Variants in NLGN1 observed in about 807,000 individuals in gnomAD.
The protein encoded by NLGN1 is neuroligin 1.
In NLGN1, 12 loss-of-function variants were observed where a neutral mutation model predicts 65.5. That is an observed-to-expected ratio of 0.18 (90% CI 0.12 to 0.30). The LOEUF (loss-of-function observed/expected upper bound fraction) is 0.30. Among genes scored for constraint, NLGN1 ranks in the 10% least tolerant of loss-of-function variants. The pLI, the probability that NLGN1 is intolerant of heterozygous loss-of-function variation, is 1.00. For missense variants in NLGN1, 750 were observed against 1,007.1 expected (o/e 0.74, Z 3.46); for synonymous variants, 350 against 359.5 (o/e 0.97, Z 0.30).
intron 2 of NLGN1, among the ~76,000 whole-genome samples, chr3:173,530,258 T>C (rs1243820060): frequency 6.6e-6 from 1 of 152,190 alleles, no homozygotes; most frequent in Non-Finnish European, 1.5e-5. Flanking sequence ...CCCGACCTTA[T>C]GGGGCACTTT....
At chr3:173,740,619 T>TA (rs1214272974) in intron 3 of NLGN1, among the ~76,000 whole-genome samples, 3 of 150,288 alleles carry the variant, frequency 2.0e-5, no homozygotes, top group South Asian at 2.1e-4. Context: ...AAGAAAGGAG[T>TA]AAAAAAAATT....
chr3:174,191,077 A>G (rs1281532446), intron 4 of NLGN1, among the ~76,000 whole-genome samples: 1 of 152,086 alleles, frequency 6.6e-6, no homozygotes, highest in Non-Finnish European at 1.5e-5. Context: ...TTCAGTTAGC[A>G]GAAGCCTTTC....
At chr3:174,220,564 G>A (rs1738449126) in intron 4 of NLGN1, among the ~76,000 whole-genome samples, 1 of 152,064 alleles carries the variant, frequency 6.6e-6, no homozygotes, top group Non-Finnish European at 1.5e-5. Context: ...ATAATGAATT[G>A]GGCATGTGAA....
intron 4 of NLGN1, among the ~76,000 whole-genome samples, chr3:174,090,023 A>G (rs1001918827): frequency 3.3e-5 from 5 of 152,094 alleles, no homozygotes; most frequent in Non-Finnish European, 7.3e-5. Flanking sequence ...GCAGTTCTAT[A>G]ATGAAATTTA....
intron 4 of NLGN1, among the ~76,000 whole-genome samples, chr3:173,810,366 A>G (rs1056463894): frequency 2.6e-5 from 4 of 152,172 alleles, no homozygotes; most frequent in African/African-American, 9.7e-5. Context: ...ATCCAAGACT[A>G]TGGCTGTCTA....
At chr3:173,718,563 G>A (rs1770271530) in intron 3 of NLGN1, among the ~76,000 whole-genome samples, 3 of 152,060 alleles carry the variant, frequency 2.0e-5, no homozygotes, top group Admixed American at 1.3e-4. Flanking sequence ...ATCCTTAGAA[G>A]GTAGGTAGGC....
chr3:174,128,111 T>A (rs531916679), intron 4 of NLGN1, among the ~76,000 whole-genome samples: 4 of 152,240 alleles, frequency 2.6e-5, no homozygotes, highest in African/African-American at 4.8e-5. Context: ...CTACGAAACC[T>A]CCTAATTTTC....
chr3:174,179,261 T>TA lies in NLGN1; in HGVS notation c.647-96046dup, dbSNP rs1230136304. 2.7e-3 allele frequency among the ~76,000 whole-genome samples: 417 copies of TA among 152,064 alleles called. 2 individuals are homozygous for TA. The highest frequency in any genetic ancestry group is 9.6e-3 in the African/African-American group (397 of 41,512). On this transcript the variant is annotated intron_variant, in intron 4 of 6. Transcript: ENST00000457714. Reference sequence around the variant, plus strand: ...AGCAGGTTATCTTATTATCTTGATTTAAAAAAAATAAATGAAATTCCAAGG... The same window carrying TA: ...AGCAGGTTATCTTATTATCTTGATTTAAAAAAAAATAAATGAAATTCCAAGG...
intron 2 of NLGN1, among the ~76,000 whole-genome samples, chr3:173,540,576 T>G (rs778500786): frequency 1.3e-5 from 2 of 152,180 alleles, no homozygotes; most frequent in Non-Finnish European, 2.9e-5. Flanking sequence ...GTAACAAGTC[T>G]TTGGCAGTGG....
intron 4 of NLGN1, among the ~76,000 whole-genome samples, chr3:174,146,988 T>C (rs1440859594): frequency 6.6e-6 from 1 of 152,214 alleles, no homozygotes; most frequent in African/African-American, 2.4e-5. Flanking sequence ...TTCATAAAAG[T>C]TATACTTGAA....
Position 173,568,784 on chromosome 3 carries a change from C to T in NLGN1, c.-320-35495C>T, listed in dbSNP as rs929218740. 3.9e-5 allele frequency among the ~76,000 whole-genome samples: 6 copies of T among 152,306 alleles called. No homozygotes were observed. The South Asian group carries it at 1.0e-3, about 26-fold the overall frequency. On this transcript the variant is annotated intron_variant, in intron 2 of 6. Coordinates refer to ENST00000457714, the Ensembl canonical transcript of NLGN1. ...CGCCTCCTGGGTTCACCCCATTCTC[C>T]GGCCTCAGCCTCTGGAGTAGCTCGG...
chr3:174,081,986 G>A (rs1007479119), intron 4 of NLGN1, among the ~76,000 whole-genome samples: 1 of 152,192 alleles, frequency 6.6e-6, no homozygotes, highest in South Asian at 2.1e-4. Flanking sequence ...CCATATGAGA[G>A]AGTAGTTGAT....
At chr3:173,716,775 G>T (rs1217169217) in intron 3 of NLGN1, among the ~76,000 whole-genome samples, 2 of 151,796 alleles carry the variant, frequency 1.3e-5, no homozygotes, top group Non-Finnish European at 2.9e-5. Context: ...TTGATATGTT[G>T]GCCTTTTAAT....
rs1242867657 is a variant in NLGN1, at chr3:174,274,567, A to G, written c.647-748A>G. Among the ~76,000 whole-genome samples the G allele has an allele frequency of 2.6e-5, 4 of 151,568 alleles. No homozygotes were observed. The East Asian group carries it at 7.8e-4, about 30-fold the overall frequency. ...TCACCTCATTTTCCTACTCATTTTC[A>G]GATTTACTACAAAGCAGAGCTTTGA... On this transcript the variant is annotated intron_variant, in intron 4 of 6. Transcript: ENST00000457714.
intron 4 of NLGN1, among the ~76,000 whole-genome samples, chr3:173,938,343 G>A (rs1745402819): frequency 6.6e-6 from 1 of 152,118 alleles, no homozygotes; most frequent in South Asian, 2.1e-4. Flanking sequence ...GCATGACTCA[G>A]CATGTTTATT....
intron 3 of NLGN1, among the ~76,000 whole-genome samples, chr3:173,797,827 G>C (rs961257815): frequency 3.7e-4 from 57 of 152,020 alleles, no homozygotes; most frequent in Non-Finnish European, 8.8e-5. Context: ...TGAGAGCCAT[G>C]TGCCACATGC....
exon 7 of NLGN1, chr3:174,282,499 T>C (rs1207037454): frequency 1.3e-5 from 2 of 152,246 alleles, no homozygotes; most frequent in African/African-American, 2.4e-5. Flanking sequence ...GTTCATTCAC[T>C]GGAATTTACT....
At chr3:173,845,789 G>A (rs1725663894) in intron 4 of NLGN1, among the ~76,000 whole-genome samples, 1 of 152,030 alleles carries the variant, frequency 6.6e-6, no homozygotes, top group African/African-American at 2.4e-5. Context: ...GAAATGAGCT[G>A]GATTCCCTTT....
At chr3:173,485,144 G>C (rs1012748761) in intron 2 of NLGN1, among the ~76,000 whole-genome samples, 1 of 130,598 alleles carries the variant, frequency 7.7e-6, no homozygotes, top group Non-Finnish European at 1.6e-5. Context: ...AAAAAAGCTT[G>C]TGCAAAAACT....
Sources: allele counts gnomAD v4.1 joint callset (sites outside exome capture counted in the v4.1 genomes callset), GRCh38; gene constraint gnomAD v4.1.1; transcripts MANE v1.5; gene names NCBI Gene and HGNC (gene_info 2026-07-23, HGNC 2026-07-21).